Variants in PRDM16 observed in about 807,000 individuals in gnomAD.
PRDM16 encodes PR/SET domain 16.
A neutral mutation model predicts 110.6 loss-of-function variants in PRDM16; 23 were observed. That is an observed-to-expected ratio of 0.21 (90% confidence interval 0.15 to 0.29). The LOEUF (loss-of-function observed/expected upper bound fraction) is 0.29, where lower values mean the gene tolerates loss of function less well. Ranked by LOEUF, PRDM16 falls within the 10% of genes least tolerant of loss-of-function variation. The pLI is 1.00. For missense variants in PRDM16, 1,615 were observed against 1,794.3 expected (o/e 0.90, Z 1.81); for synonymous variants, 799 against 781.8 (o/e 1.02, Z -0.37).
At position 3,405,590 on chromosome 1, in the gene PRDM16, C is replaced by T. The variant is rs1195202306; in HGVS notation, c.1128C>T (p.Ala376=). The stretch of plus-strand genomic sequence containing the variant: ...GCCCCGACTGCGGGAAGACCTTCGC[C>T]ACGTCCTCCGGCCTCAAGCAGCACA... ...HACPDCGKTF[A]TSSGLKQHKH... Residue 376 remains alanine, a synonymous_variant, in exon 8 of 17, where the codon GCC becomes GCT. Coordinates refer to ENST00000270722, the MANE Select transcript of PRDM16 (RefSeq NM_022114.4). 1.9e-6 allele frequency: 3 copies of T among 1,611,578 alleles called. No homozygotes were observed. In the South Asian group the frequency reaches 3.3e-5, roughly 18 times the overall value.
At chr1:3,151,014 G>C (rs1384557835) in intron 1 of PRDM16, among the ~76,000 whole-genome samples, 3 of 138,556 alleles carry the variant, frequency 2.2e-5, no homozygotes, top group Non-Finnish European at 4.7e-5. Context: ...CTATGGAAAT[G>C]GGGGGCTGGT....
intron 2 of PRDM16, among the ~76,000 whole-genome samples, chr1:3,202,953 A>C (rs113382454): frequency 0.026 from 3,959 of 152,316 alleles, 64 homozygotes; most frequent in Non-Finnish European, 0.039. Context: ...GTGTGGGGGA[A>C]GGAGTTTTCT....
At chr1:3,180,457 C>T (rs872368) in intron 1 of PRDM16, among the ~76,000 whole-genome samples, 14,489 of 152,126 alleles carry the variant, frequency 0.095, 1,175 homozygotes, top group African/African-American at 0.21. Context: ...CAGTTTCTCC[C>T]GGTGGGTCCC....
chr1:3,436,622 G>A lies in PRDM16; in HGVS notation c.*2811G>A, dbSNP rs1480240123. On this transcript the variant is annotated 3_prime_UTR_variant, in exon 17 of 17. Transcript: ENST00000270722. ...ACTTAGTGTGGCCCCAGGCCCCAGC[G>A]AGCCTCGCCCTCCCAGTTTTGCTCT... 3 of 232,490 alleles carry A rather than the reference G, an allele frequency of 1.3e-5. No individual in the cohort carries two copies. The highest frequency in any genetic ancestry group is 2.6e-5 in the Non-Finnish European group (3 of 117,538). 14.4% of individuals were successfully genotyped at this position (232,490 alleles called of 1,614,324 possible). A position where few individuals can be genotyped will look rare whatever the true frequency, so the allele number is the denominator to read the frequency against.
At chr1:3,394,578 G>C (rs1048117157) in intron 4 of PRDM16, 2 of 381,518 alleles carry the variant, frequency 5.2e-6, no homozygotes, top group East Asian at 1.7e-4. Flanking sequence ...GGGACCCCTC[G>C]AGAAGCCTCA....
Position 3,069,951 on chromosome 1 carries a change from T to C in PRDM16, c.37+655T>C, listed in dbSNP as rs1289477071. ...CACTTGGGGAGCAAAATGGAGACTTTTGCCCGGGCTGGGAACTGTGGTCGT... is the reference window on the plus strand; with the variant it reads ...CACTTGGGGAGCAAAATGGAGACTTCTGCCCGGGCTGGGAACTGTGGTCGT... On this transcript the variant is annotated intron_variant, in intron 1 of 16. Coordinates refer to ENST00000270722, the MANE Select transcript of PRDM16 (RefSeq NM_022114.4). This position sits in a 1 kb window ranked among gnomAD's most constrained non-coding sequence, Gnocchi z 6.1. Among the ~76,000 whole-genome samples, 1 of 151,860 alleles carries C rather than the reference T, an allele frequency of 6.6e-6. No individual in the cohort carries two copies.
intron 3 of PRDM16, among the ~76,000 whole-genome samples, chr1:3,372,931 C>T (rs116189435): frequency 0.043 from 6,549 of 152,248 alleles, 200 homozygotes; most frequent in Non-Finnish European, 0.064. Context: ...GCAGAGCCTG[C>T]GGGCTCGGGG....
chr1:3,142,261 T>C (rs1643565331), intron 1 of PRDM16, among the ~76,000 whole-genome samples: 1 of 152,254 alleles, frequency 6.6e-6, no homozygotes, highest in African/African-American at 2.4e-5. Context: ...CAAACAGCGA[T>C]GTCTTAGACC....
At chr1:3,329,447 G>A (rs1267550586) in intron 3 of PRDM16, among the ~76,000 whole-genome samples, 1 of 152,200 alleles carries the variant, frequency 6.6e-6, no homozygotes, top group Admixed American at 6.5e-5. Flanking sequence ...AGCCAGGAGG[G>A]AGAGGCCCAA....
Position 3,148,310 on chromosome 1 carries a change from C to T in PRDM16, c.38-37815C>T, listed in dbSNP as rs528287890. Among the ~76,000 whole-genome samples, 11 of 152,224 alleles carry T rather than the reference C, an allele frequency of 7.2e-5. No homozygotes were observed. In the South Asian group the frequency reaches 2.1e-3, roughly 29 times the overall value. On this transcript the variant is annotated intron_variant, in intron 1 of 16. Transcript: ENST00000270722. The surrounding 1 kb of genome is among the most constrained non-coding windows in gnomAD (Gnocchi z 5.0). Reference sequence around the variant, plus strand: ...CCAGGACAGAGCAGCCACAGGTGGCCGCCCAGGGGTTTACTCTAGGGGTGT... The same window carrying T: ...CCAGGACAGAGCAGCCACAGGTGGCTGCCCAGGGGTTTACTCTAGGGGTGT...
intron 2 of PRDM16, among the ~76,000 whole-genome samples, chr1:3,231,556 T>C (rs1046432929): frequency 1.3e-5 from 2 of 152,220 alleles, no homozygotes; most frequent in South Asian, 4.1e-4. Flanking sequence ...AGCGCTGGCT[T>C]GGGGCCCAGG....
At chr1:3,128,265 G>A (rs575752726) in intron 1 of PRDM16, among the ~76,000 whole-genome samples, 8 of 152,082 alleles carry the variant, frequency 5.3e-5, no homozygotes, top group African/African-American at 1.9e-4. Context: ...AGAGGCAGCC[G>A]TGGGAATCTG....
At chr1:3,260,799 GTGA>G (rs1259201543) in intron 3 of PRDM16, among the ~76,000 whole-genome samples, 1 of 144,746 alleles carries the variant, frequency 6.9e-6, no homozygotes, top group African/African-American at 2.6e-5. Context: ...GGCAATGATA[GTGA>G]TGATGATACC....
intron 1 of PRDM16, among the ~76,000 whole-genome samples, chr1:3,131,149 G>A (rs780953996): frequency 6.6e-5 from 10 of 152,132 alleles, no homozygotes; most frequent in East Asian, 3.9e-4. Context: ...GGTTGTTTTC[G>A]TTTTTTTCAT....
chr1:3,116,491 C>T lies in PRDM16; in HGVS notation c.37+47195C>T, dbSNP rs1177280718. Among the ~76,000 whole-genome samples the T allele has an allele frequency of 3.9e-5, 6 of 152,248 alleles. No individual in the cohort carries two copies. In the East Asian group the frequency reaches 5.8e-4, roughly 15 times the overall value. ...GGATGCCCAGACCCCATTCCCAAGCCGCAGGTCCTGGTCTGGGCTCTGTCA... is the reference window on the plus strand; with the variant it reads ...GGATGCCCAGACCCCATTCCCAAGCTGCAGGTCCTGGTCTGGGCTCTGTCA... On this transcript the variant is annotated intron_variant, in intron 1 of 16. Coordinates refer to ENST00000270722, the MANE Select transcript of PRDM16 (RefSeq NM_022114.4).
chr1:3,140,869 G>T (rs559946390), intron 1 of PRDM16, among the ~76,000 whole-genome samples: 1 of 152,226 alleles, frequency 6.6e-6, no homozygotes, highest in South Asian at 2.1e-4. Flanking sequence ...CATTGATCCC[G>T]CAGAAGAAAA....
At chr1:3,140,187 C>T (rs1364098137) in intron 1 of PRDM16, among the ~76,000 whole-genome samples, 1 of 152,256 alleles carries the variant, frequency 6.6e-6, no homozygotes, top group African/African-American at 2.4e-5. Flanking sequence ...GCGGATGCAG[C>T]CCCCGGATGG....
At chr1:3,315,007 C>T (rs1015539091) in intron 3 of PRDM16, among the ~76,000 whole-genome samples, 8 of 152,272 alleles carry the variant, frequency 5.3e-5, no homozygotes, top group Middle Eastern at 3.4e-3. Context: ...AGCATGGCAT[C>T]GCTCTGAACA....
chr1:3,381,345 G>A (rs890802176), intron 3 of PRDM16, among the ~76,000 whole-genome samples: 10 of 151,968 alleles, frequency 6.6e-5, no homozygotes, highest in Non-Finnish European at 1.2e-4. Context: ...GATTTATTGG[G>A]GAGAGCCCCA....
Sources: allele counts gnomAD v4.1 joint callset (sites outside exome capture counted in the v4.1 genomes callset), GRCh38; gene constraint gnomAD v4.1.1; non-coding constraint Gnocchi (gnomAD v3.1); transcripts MANE v1.5; gene names NCBI Gene and HGNC (gene_info 2026-07-23, HGNC 2026-07-21).